Variants in RBFOX1 observed in about 807,000 individuals in gnomAD.
RBFOX1 encodes RNA binding fox-1 homolog 1, also known as RNA binding protein fox-1 homolog 1.
RBFOX1 carries 8 observed loss-of-function variants against 57.7 expected under a neutral mutation model. The observed-to-expected ratio is 0.14, with a 90% CI of 0.08 to 0.25. The LOEUF is 0.25. RBFOX1 is among the 10% of genes least tolerant of loss of function. The pLI, the probability that RBFOX1 is intolerant of heterozygous loss-of-function variation, is 1.00. For synonymous variants in RBFOX1, 326 were observed against 222.4 expected (o/e 1.47, Z -4.15); for missense variants, 611 against 548.5 (o/e 1.11, Z -1.14).
intron 3 of RBFOX1, among the ~76,000 whole-genome samples, chr16:6,657,872 G>C (rs1034127083): frequency 6.6e-6 from 1 of 151,970 alleles, no homozygotes; most frequent in African/African-American, 2.4e-5. Context: ...GAGCTTCACA[G>C]AACCCCTATA....
chr16:7,598,606 A>G (rs1285001382), intron 9 of RBFOX1, among the ~76,000 whole-genome samples: 1 of 152,142 alleles, frequency 6.6e-6, no homozygotes, highest in African/African-American at 2.4e-5. Context: ...AGCCGCTATT[A>G]CAGATTGTTG....
At chr16:6,052,478 G>A (rs2095562501) in intron 1 of RBFOX1, among the ~76,000 whole-genome samples, 1 of 152,010 alleles carries the variant, frequency 6.6e-6, no homozygotes, top group South Asian at 2.1e-4. Context: ...CTGTAAAGTG[G>A]GGAACATAAT....
intron 4 of RBFOX1, among the ~76,000 whole-genome samples, chr16:7,395,728 C>T (rs1394849996): frequency 6.6e-6 from 1 of 152,166 alleles, no homozygotes; most frequent in Non-Finnish European, 1.5e-5. Context: ...GTCCAAGGGA[C>T]AAATACATTT....
At chr16:6,966,759 C>G (rs1329715878) in intron 3 of RBFOX1, among the ~76,000 whole-genome samples, 2 of 67,740 alleles carry the variant, frequency 3.0e-5, no homozygotes, top group Admixed American at 2.7e-4. Context: ...ATCTGTCTGT[C>G]TGTCTATCTA....
intron 2 of RBFOX1, among the ~76,000 whole-genome samples, chr16:5,548,108 C>T (rs1245955790): frequency 6.8e-6 from 1 of 146,286 alleles, no homozygotes; most frequent in Non-Finnish European, 1.5e-5. Flanking sequence ...TTGCAGTGAG[C>T]TGAGATTGTG....
chr16:5,841,387 C>G (rs1410662072), intron 3 of RBFOX1, among the ~76,000 whole-genome samples: 1 of 152,156 alleles, frequency 6.6e-6, no homozygotes, highest in Non-Finnish European at 1.5e-5. Flanking sequence ...ATCCATCTAT[C>G]CATCAACCTT....
At chr16:5,929,073 C>T (rs932678983) in intron 4 of RBFOX1, among the ~76,000 whole-genome samples, 7 of 145,684 alleles carry the variant, frequency 4.8e-5, no homozygotes, top group Middle Eastern at 3.5e-3. Flanking sequence ...CCTATTTAAA[C>T]ACACAGTCCA....
chr16:6,910,700 G>A (rs1054958118), intron 3 of RBFOX1, among the ~76,000 whole-genome samples: 1 of 152,196 alleles, frequency 6.6e-6, no homozygotes, highest in East Asian at 1.9e-4. Context: ...AAAGCCAGCA[G>A]TGTGACTCTA....
At chr16:7,611,579 C>CA (rs1042522584) in intron 10 of RBFOX1, among the ~76,000 whole-genome samples, 7,048 of 85,876 alleles carry the variant, frequency 0.082, 203 homozygotes, top group African/African-American at 0.085. Flanking sequence ...AACTCTGTCT[C>CA]AAAAAAAAAA....
chr16:5,764,299 A>G (rs1267328986), intron 3 of RBFOX1, among the ~76,000 whole-genome samples: 3 of 152,214 alleles, frequency 2.0e-5, no homozygotes, highest in Non-Finnish European at 4.4e-5. Context: ...TTCTGCCTCA[A>G]TGCTGGAAGG....
rs747715281 is a variant in RBFOX1, at chr16:6,656,960, TTCCTC to T, written c.-16+2321_-16+2325del. Among the ~76,000 whole-genome samples the T allele has an allele frequency of 6.8e-3, 96 of 14,162 alleles. 1 individual carries two copies. The highest frequency in any genetic ancestry group is 0.05 in the Middle Eastern group (1 of 20). 9.3% of individuals were successfully genotyped at this position (14,162 alleles called of 152,430 possible). A position where few individuals can be genotyped will look rare whatever the true frequency, so the allele number is the denominator to read the frequency against. ...CTCCTCCCCTTTCCTCTCCTCCCCT[TTCCTC>T]TCCTCTCCTCCCCTTTCCTCTCCTC... On this transcript the variant is annotated intron_variant, in intron 3 of 15. Transcript: ENST00000550418.
At chr16:5,927,616 A>T (rs567017634) in intron 4 of RBFOX1, among the ~76,000 whole-genome samples, 3 of 152,252 alleles carry the variant, frequency 2.0e-5, no homozygotes, top group African/African-American at 7.2e-5. Flanking sequence ...AAAGGGAATG[A>T]AATCTGTATA....
intron 1 of RBFOX1, among the ~76,000 whole-genome samples, chr16:6,149,747 G>C (rs1221487341): frequency 6.6e-6 from 1 of 152,214 alleles, no homozygotes; most frequent in East Asian, 1.9e-4. Context: ...TTTAAGACTG[G>C]AGAAAGATAG....
intron 11 of RBFOX1, among the ~76,000 whole-genome samples, chr16:7,634,061 C>T (rs773462834): frequency 2.5e-4 from 38 of 152,156 alleles, no homozygotes; most frequent in South Asian, 6.2e-4. Context: ...CCAACAGTTT[C>T]GATTTGCACA....
At chr16:6,784,964 G>A (rs983923053) in intron 3 of RBFOX1, among the ~76,000 whole-genome samples, 1 of 152,044 alleles carries the variant, frequency 6.6e-6, no homozygotes, top group Admixed American at 6.6e-5. Context: ...TGCTCATATA[G>A]GGGATCTTTC....
At chr16:5,314,447 C>T (rs867484617) in intron 1 of RBFOX1, among the ~76,000 whole-genome samples, 1 of 152,252 alleles carries the variant, frequency 6.6e-6, no homozygotes, top group Non-Finnish European at 1.5e-5. Flanking sequence ...CTGACCGCTT[C>T]ACTAGGTGCA....
chr16:5,749,046 G>A (rs557568994), intron 3 of RBFOX1, among the ~76,000 whole-genome samples: 15 of 152,276 alleles, frequency 9.9e-5, no homozygotes, highest in Admixed American at 5.2e-4. Context: ...TCCTTCAGGA[G>A]CTCTTTTAGG....
At chr16:5,956,403 C>T (rs1020575571) in intron 4 of RBFOX1, among the ~76,000 whole-genome samples, 2 of 151,584 alleles carry the variant, frequency 1.3e-5, no homozygotes, top group Admixed American at 1.3e-4. Context: ...ATTATGGTCT[C>T]TCTGGAATTT....
chr16:7,059,620 A>C (rs2053613063), intron 4 of RBFOX1, among the ~76,000 whole-genome samples: 1 of 152,204 alleles, frequency 6.6e-6, no homozygotes. Context: ...GAATAGAAGA[A>C]GCTTACCTGA....
Sources: allele counts gnomAD v4.1 joint callset (sites outside exome capture counted in the v4.1 genomes callset), GRCh38; gene constraint gnomAD v4.1.1; transcripts MANE v1.5; gene names NCBI Gene and HGNC (gene_info 2026-07-23, HGNC 2026-07-21).